ARHGAP10: variants seen among roughly 807,000 people sequenced by gnomAD.
ARHGAP10 encodes Rho GTPase activating protein 10, also known as rho GTPase-activating protein 10.
Under a neutral mutation model 108.6 loss-of-function variants are expected in ARHGAP10, and 87 were observed. That is an observed-to-expected ratio of 0.80 (90% CI 0.67 to 0.96). ARHGAP10 has a LOEUF of 0.96. Among genes scored for constraint, ARHGAP10 ranks in the 40% least tolerant of loss-of-function variants. The pLI, the probability that ARHGAP10 is intolerant of heterozygous loss-of-function variation, is 0.00. For missense variants in ARHGAP10, 939 were observed against 954.5 expected (o/e 0.98, Z 0.21); for synonymous variants, 347 against 341.1 (o/e 1.02, Z -0.19).
intron 1 of ARHGAP10, among the ~76,000 whole-genome samples, chr4:147,800,064 T>C (rs1162158165): frequency 6.6e-6 from 1 of 152,156 alleles, no homozygotes; most frequent in Non-Finnish European, 1.5e-5. Flanking sequence ...TTTGTGGTGT[T>C]TGTCTGCTTG....
chr4:147,785,002 A>G (rs1164616770), intron 1 of ARHGAP10, among the ~76,000 whole-genome samples: 1 of 135,820 alleles, frequency 7.4e-6, no homozygotes, highest in African/African-American at 2.7e-5. Flanking sequence ...ATTATGAAAT[A>G]TATGTTATAT....
intron 1 of ARHGAP10, among the ~76,000 whole-genome samples, chr4:147,766,828 A>G (rs62330673): frequency 8.3e-5 from 2 of 24,086 alleles, no homozygotes; most frequent in African/African-American, 1.4e-4. Context: ...ATATATATAT[A>G]TATATATATA....
At chr4:148,023,563 G>T in intron 19 of ARHGAP10, 150 bp downstream of exon 19, 1 of 945,960 alleles carries the variant, frequency 1.1e-6, no homozygotes, top group Non-Finnish European at 1.4e-6. Context: ...GGAGGGTGAA[G>T]CTTTTTTGTA....
At chr4:148,022,595 G>A (rs1203259532) in intron 18 of ARHGAP10, among the ~76,000 whole-genome samples, 2 of 152,146 alleles carry the variant, frequency 1.3e-5, no homozygotes, top group Non-Finnish European at 2.9e-5. Flanking sequence ...GCTAAGCAAA[G>A]GAGCAGCACA....
intron 1 of ARHGAP10, among the ~76,000 whole-genome samples, chr4:147,765,337 T>TGTG (rs540944488): frequency 0.41 from 22,685 of 55,544 alleles, 3,649 homozygotes; most frequent in Non-Finnish European, 0.49. Context: ...TGTGTGTGTG[T>TGTG]GGGGGGGGGG....
chr4:147,823,068 A>C, intron 3 of ARHGAP10, 111 bp downstream of exon 3: 4 of 1,103,608 alleles, frequency 3.6e-6, no homozygotes, highest in Non-Finnish European at 5.3e-6. Flanking sequence ...TGGGTACAGT[A>C]GTGCATTGTA....
At chr4:147,743,279 C>T (rs563287917) in intron 1 of ARHGAP10, among the ~76,000 whole-genome samples, 22 of 152,142 alleles carry the variant, frequency 1.4e-4, no homozygotes, top group South Asian at 1.2e-3. Context: ...GTGATCCACC[C>T]GCCTCAGCCT....
At chr4:147,916,670 G>A (rs566476150) in intron 13 of ARHGAP10, 4 of 152,280 alleles carry the variant, frequency 2.6e-5, no homozygotes, top group African/African-American at 9.6e-5. Context: ...TTCAGTGAAT[G>A]GTAAAGATAC....
At chr4:147,743,291 A>G (rs1000431785) in intron 1 of ARHGAP10, among the ~76,000 whole-genome samples, 7 of 152,082 alleles carry the variant, frequency 4.6e-5, no homozygotes, top group African/African-American at 1.7e-4. Context: ...CCTCAGCCTC[A>G]AAGTGCTGAG....
intron 19 of ARHGAP10, among the ~76,000 whole-genome samples, chr4:148,029,348 C>T (rs567409903): frequency 3.3e-4 from 51 of 152,314 alleles, no homozygotes; most frequent in Non-Finnish European, 5.4e-4. Flanking sequence ...CTCACATTCA[C>T]GGCAGCGGTG....
chr4:147,838,874 T>G (rs1733280764), intron 3 of ARHGAP10, among the ~76,000 whole-genome samples: 1 of 152,218 alleles, frequency 6.6e-6, no homozygotes, highest in Admixed American at 6.5e-5. Flanking sequence ...TTAGTGTCCC[T>G]TTGTTTTTGT....
chr4:147,836,745 G>T (rs904506247), intron 3 of ARHGAP10, among the ~76,000 whole-genome samples: 1 of 152,064 alleles, frequency 6.6e-6, no homozygotes, highest in Non-Finnish European at 1.5e-5. Flanking sequence ...TTCTCTACTG[G>T]GAAAATTAGA....
intron 1 of ARHGAP10, among the ~76,000 whole-genome samples, chr4:147,784,612 TAGA>T (rs1442686893): frequency 1.5e-4 from 17 of 111,598 alleles, no homozygotes; most frequent in African/African-American, 6.5e-4. Context: ...ATATTTAAAA[TAGA>T]ATAAATATAT....
chr4:148,057,342 C>T (rs929361496), intron 20 of ARHGAP10, among the ~76,000 whole-genome samples: 2 of 152,200 alleles, frequency 1.3e-5, no homozygotes, highest in Non-Finnish European at 2.9e-5. Context: ...CCGGTACTTG[C>T]ATCTCTCACC....
intron 19 of ARHGAP10, among the ~76,000 whole-genome samples, chr4:148,028,037 C>T (rs1467226213): frequency 6.6e-6 from 1 of 152,090 alleles, no homozygotes; most frequent in African/African-American, 2.4e-5. Flanking sequence ...AGCTAATTTT[C>T]TGTTCCCATT....
Position 147,840,955 on chromosome 4 carries a change from G to T in ARHGAP10, c.313-6196G>T, listed in dbSNP as rs1305104456. 2.0e-5 allele frequency among the ~76,000 whole-genome samples: 3 copies of T among 152,334 alleles called. No individual in the cohort carries two copies. In the East Asian group the frequency reaches 5.8e-4, roughly 29 times the overall value. On this transcript the variant is annotated intron_variant, in intron 3 of 22. Coordinates refer to ENST00000336498, the MANE Select transcript of ARHGAP10 (RefSeq NM_024605.4). The stretch of plus-strand genomic sequence containing the variant: ...TACTCAAGATGATCCTTTCAGGCAG[G>T]GTTTGGCAAACAGTGACCCATGGGC...
At chr4:147,878,937 T>C (rs1418467552) in intron 8 of ARHGAP10, among the ~76,000 whole-genome samples, 1 of 152,142 alleles carries the variant, frequency 6.6e-6, no homozygotes, top group East Asian at 1.9e-4. Context: ...CCACTATGCC[T>C]GGCTAATTTT....
Position 148,072,492 on chromosome 4 carries a change from C to T in ARHGAP10, c.*411C>T, listed in dbSNP as rs1331738391. On this transcript the variant is annotated 3_prime_UTR_variant, in exon 23 of 23. Transcript: ENST00000336498. Reference sequence around the variant, plus strand: ...CGATTTTAAAGGGAACTGTACTACTCGCAGTGATAGGTTTGCAGAGTGTGT... The same window carrying T: ...CGATTTTAAAGGGAACTGTACTACTTGCAGTGATAGGTTTGCAGAGTGTGT... The T allele has an allele frequency of 8.2e-5, 14 of 170,098 alleles. No homozygotes were observed. The highest frequency in any genetic ancestry group is 5.4e-4 in the South Asian group (3 of 5,532). 10.5% of individuals were successfully genotyped at this position (170,098 alleles called of 1,614,324 possible).
At chr4:147,936,705 G>A (rs1268963958) in intron 13 of ARHGAP10, among the ~76,000 whole-genome samples, 3 of 152,196 alleles carry the variant, frequency 2.0e-5, no homozygotes, top group Admixed American at 6.5e-5. Context: ...TTAGTGTTCT[G>A]AGTAGACTTA....
Sources: allele counts gnomAD v4.1 joint callset (sites outside exome capture counted in the v4.1 genomes callset), GRCh38; gene constraint gnomAD v4.1.1; transcripts MANE v1.5; gene names NCBI Gene and HGNC (gene_info 2026-07-23, HGNC 2026-07-21).